TENM3: variants seen among roughly 807,000 people sequenced by gnomAD.
The protein encoded by TENM3 is teneurin transmembrane protein 3, also known as teneurin-3.
In TENM3, 63 loss-of-function variants were observed where a neutral mutation model predicts 255.1. The observed-to-expected ratio is 0.25, with a 90% CI of 0.20 to 0.30. The LOEUF is 0.30. TENM3 is among the 10% of genes least tolerant of loss of function. The probability of loss-of-function intolerance (pLI) is 1.00; values close to 1 mark genes in which losing one functional copy is unlikely to be tolerated. For missense variants in TENM3, 2,929 were observed against 3,461.1 expected, an observed-to-expected ratio of 0.85 and a Z score of 3.86; for synonymous variants, 1,306 against 1,322.3, an observed-to-expected ratio of 0.99 and a Z score of 0.27.
the TENM3 span, among the ~76,000 whole-genome samples, chr4:181,713,533 G>C: frequency 1.3e-5 from 2 of 152,222 alleles, no homozygotes; most frequent in East Asian, 3.9e-4. Context: ...ACCACCAAAA[G>C]TAAGGCCTCC....
At chr4:181,989,861 G>A in the TENM3 span, among the ~76,000 whole-genome samples, 44 of 152,092 alleles carry the variant, frequency 2.9e-4, no homozygotes, top group Admixed American at 8.5e-4. Context: ...AGAGTAGGTA[G>A]GTCTTAATTA....
At chr4:182,239,307 A>C (rs1454248121), upstream of TENM3, among the ~76,000 whole-genome samples, 1 of 152,022 alleles carries the variant, frequency 6.6e-6, no homozygotes, top group East Asian at 1.9e-4. Context: ...TGAATTATTG[A>C]CCTCAAATGA....
chr4:182,313,232 T>C (rs1762554222), intron 1 of TENM3, among the ~76,000 whole-genome samples: 1 of 152,070 alleles, frequency 6.6e-6, no homozygotes, highest in East Asian at 1.9e-4. Flanking sequence ...TTCTATATAT[T>C]TTCCAATTAA....
At chr4:182,739,104 T>C (rs922263023) in intron 18 of TENM3, among the ~76,000 whole-genome samples, 2 of 151,868 alleles carry the variant, frequency 1.3e-5, no homozygotes, top group Non-Finnish European at 2.9e-5. Context: ...TCAAATGGGG[T>C]CACATATATT....
chr4:181,586,947 G>A, the TENM3 span, among the ~76,000 whole-genome samples: 1 of 152,112 alleles, frequency 6.6e-6, no homozygotes, highest in Non-Finnish European at 1.5e-5. Flanking sequence ...ATGTTAGGCT[G>A]TTATTGGTCA....
chr4:181,532,540 G>A, the TENM3 span, among the ~76,000 whole-genome samples: 34 of 152,152 alleles, frequency 2.2e-4, no homozygotes, highest in African/African-American at 6.5e-4. Context: ...ATGGCGTTTC[G>A]TTCTGGAGGG....
the TENM3 span, among the ~76,000 whole-genome samples, chr4:181,612,317 A>G: frequency 6.6e-6 from 1 of 152,152 alleles, no homozygotes; most frequent in South Asian, 2.1e-4. Flanking sequence ...CTCTGATCCC[A>G]TCACCGTTGG....
In TENM3 at chr4:182,271,526, T is replaced by G. The variant is rs550023288; in HGVS notation, c.-76+28050T>G. Among the ~76,000 whole-genome samples the G allele has an allele frequency of 2.6e-5, 4 of 152,308 alleles. No individual in the cohort carries two copies. In the East Asian group the frequency reaches 7.7e-4, roughly 29 times the overall value. On this transcript the variant is annotated intron_variant, in intron 1 of 27. Transcript: ENST00000511685. ...GTCACAGAAGAAGGGGACATGTCCTTGAAAATTATTTTGCCTAGTTTTCAC... is the reference window on the plus strand; with the variant it reads ...GTCACAGAAGAAGGGGACATGTCCTGGAAAATTATTTTGCCTAGTTTTCAC...
the TENM3 span, among the ~76,000 whole-genome samples, chr4:182,105,459 C>A: frequency 6.6e-6 from 1 of 152,206 alleles, no homozygotes; most frequent in Non-Finnish European, 1.5e-5. Context: ...AAACCATCAT[C>A]AGTTTCAATA....
intron 18 of TENM3, among the ~76,000 whole-genome samples, chr4:182,739,534 T>A (rs1454598544): frequency 2.6e-5 from 4 of 152,256 alleles, no homozygotes; most frequent in African/African-American, 9.6e-5. Context: ...CTCTTGACTT[T>A]GCAGAGGTTT....
the TENM3 span, among the ~76,000 whole-genome samples, chr4:181,866,659 C>T: frequency 6.6e-6 from 1 of 152,236 alleles, no homozygotes; most frequent in Admixed American, 6.5e-5. Flanking sequence ...CTCCATTGCC[C>T]CACATTTTTT....
the TENM3 span, among the ~76,000 whole-genome samples, chr4:181,724,275 A>G: frequency 1.5e-4 from 23 of 152,156 alleles, no homozygotes; most frequent in African/African-American, 5.6e-4. Context: ...TTGTAAGCAT[A>G]ACTCATTTGT....
At chr4:181,955,613 G>T in the TENM3 span, among the ~76,000 whole-genome samples, 8 of 152,128 alleles carry the variant, frequency 5.3e-5, no homozygotes, top group Admixed American at 5.2e-4. Context: ...TTGTGGGGAG[G>T]GGAGGAACAA....
At chr4:181,821,255 C>G in the TENM3 span, among the ~76,000 whole-genome samples, 3 of 152,176 alleles carry the variant, frequency 2.0e-5, no homozygotes, top group Non-Finnish European at 4.4e-5. Context: ...ATTCCCCGCT[C>G]CTGGCCCTCT....
At chr4:182,692,683 G>A (rs1000496718) in intron 12 of TENM3, among the ~76,000 whole-genome samples, 1 of 152,102 alleles carries the variant, frequency 6.6e-6, no homozygotes, top group Non-Finnish European at 1.5e-5. Flanking sequence ...GAAGAAGCTC[G>A]AGTCAGAAAG....
In TENM3 at chr4:182,214,512, G is replaced by GTATTTATTTATT. The variant is rs56013840; in HGVS notation, c.-76+69780_-76+69791dup. On this transcript the variant is annotated intron_variant, in intron 1 of 2. Transcript: ENST00000512480. The stretch of plus-strand genomic sequence containing the variant: ...TTTAGGAGCTTACATTCTATTTATT[G>GTATTTATTTATT]TATTTATTTATTTATTTATTTATTT... Among the ~76,000 whole-genome samples the GTATTTATTTATT allele has an allele frequency of 5.2e-3, 762 of 147,258 alleles. 2 individuals carry two copies. Among genetic ancestry groups the GTATTTATTTATT allele is most frequent in the African/African-American group, 9.3e-3 (369 of 39,780 alleles).
chr4:182,292,716 C>T (rs992440238), intron 1 of TENM3, among the ~76,000 whole-genome samples: 10 of 152,162 alleles, frequency 6.6e-5, no homozygotes, highest in Admixed American at 2.6e-4. Flanking sequence ...CCAGGGGATG[C>T]GCTCTCTGCC....
In TENM3 at chr4:182,156,519, A is replaced by G. The variant is rs142069802; in HGVS notation, c.-76+11765A>G. Among the ~76,000 whole-genome samples, 15 of 152,186 alleles carry G rather than the reference A, an allele frequency of 9.9e-5. No homozygotes were observed. The East Asian group carries it at 2.7e-3, about 27-fold the overall frequency. ...ACCCTCCCCCTCTCCCCGCCCTAGT[A>G]GTCCTCAGTGTCTATTGTTATATGC... On this transcript the variant is annotated intron_variant, in intron 1 of 2. Coordinates refer to the TENM3 transcript ENST00000512480.
chr4:182,665,702 T>C (rs1754611496), intron 6 of TENM3, among the ~76,000 whole-genome samples: 1 of 152,064 alleles, frequency 6.6e-6, no homozygotes, highest in Non-Finnish European at 1.5e-5. Flanking sequence ...GAGACCATCC[T>C]GGTTAACAGG....
Sources: gnomAD v4.1 joint callset for allele counts (sites outside exome capture counted in the v4.1 genomes callset) on GRCh38, gnomAD v4.1.1 for gene constraint, MANE v1.5 for transcripts, NCBI Gene and HGNC (gene_info 2026-07-23, HGNC 2026-07-21) for gene names.